The following XXYLT1 variants were observed in gnomAD, a reference collection of about 807,000 sequenced individuals.
The protein encoded by XXYLT1 is UDP-xylose:alpha-xyloside alpha-1,3-xylosyltransferase.
XXYLT1 carries 20 observed loss-of-function variants against 28.9 expected under a neutral mutation model. The observed-to-expected ratio is 0.69, with a 90% confidence interval of 0.49 to 1.00. XXYLT1 has a LOEUF of 1.00. Ranked by LOEUF, XXYLT1 falls within the 50% of genes least tolerant of loss-of-function variation. The probability of loss-of-function intolerance (pLI) is 0.00; values close to 1 mark genes in which losing one functional copy is unlikely to be tolerated. For synonymous variants in XXYLT1, 257 were observed against 253.8 expected (o/e 1.01, Z -0.12); for missense variants, 542 against 560.1 (o/e 0.97, Z 0.33).
chr3:195,087,730 G>A (rs936645269), intron 3 of XXYLT1, among the ~76,000 whole-genome samples: 4 of 152,202 alleles, frequency 2.6e-5, no homozygotes, highest in African/African-American at 2.4e-5. Flanking sequence ...CAGCGTGAGC[G>A]ACGCAGAAGA....
chr3:195,128,384 T>C (rs911555635), intron 3 of XXYLT1, among the ~76,000 whole-genome samples: 10 of 152,052 alleles, frequency 6.6e-5, no homozygotes, highest in African/African-American at 2.2e-4. Context: ...CAGCCCCAGG[T>C]ATTCATGTTT....
intron 1 of XXYLT1, among the ~76,000 whole-genome samples, chr3:195,235,625 T>C (rs1264754293): frequency 6.6e-6 from 1 of 152,198 alleles, no homozygotes; most frequent in Non-Finnish European, 1.5e-5. Flanking sequence ...TATTGTAGTC[T>C]TTGCAGTCTG....
chr3:195,102,885 C>T (rs555516833), intron 3 of XXYLT1, among the ~76,000 whole-genome samples: 1 of 152,218 alleles, frequency 6.6e-6, no homozygotes, highest in East Asian at 1.9e-4. Context: ...TAGGAATTTC[C>T]ATATTGTTTT....
rs1030745980 is a variant in XXYLT1 at position 195,195,809 on chromosome 3, G to A, written c.652+30900C>T. Among the ~76,000 whole-genome samples the A allele has an allele frequency of 3.3e-5, 5 of 152,150 alleles. No homozygotes were observed. The highest frequency in any genetic ancestry group is 9.7e-5 in the African/African-American group (4 of 41,438). On this transcript the variant is annotated intron_variant, in intron 2 of 3. Transcript: ENST00000310380. This position sits in a 1 kb window ranked among gnomAD's most constrained non-coding sequence, Gnocchi z 4.4. ...CTCTGGCCTGCAGGAGTTCAGCACC[G>A]CCAGCCACACCTGCCATGGTCTAGA...
intron 1 of XXYLT1, among the ~76,000 whole-genome samples, chr3:195,253,069 A>G (rs1444720170): frequency 1.3e-5 from 2 of 152,182 alleles, no homozygotes; most frequent in African/African-American, 4.8e-5. Flanking sequence ...TGGAGAAGCA[A>G]GTCACAAAGG....
chr3:195,137,190 G>T (rs1185186003), intron 3 of XXYLT1, among the ~76,000 whole-genome samples: 1 of 152,166 alleles, frequency 6.6e-6, no homozygotes, highest in East Asian at 1.9e-4. Context: ...GAAACAAAGT[G>T]GGGTGTGACA....
chr3:195,265,421 A>C (rs1725817908), intron 1 of XXYLT1, among the ~76,000 whole-genome samples: 1 of 152,160 alleles, frequency 6.6e-6, no homozygotes, highest in Non-Finnish European at 1.5e-5. Flanking sequence ...GAAGGCTGGC[A>C]TGAGGCTTGC....
intron 2 of XXYLT1, among the ~76,000 whole-genome samples, chr3:195,190,845 T>C (rs1455693994): frequency 6.6e-6 from 1 of 152,060 alleles, no homozygotes; most frequent in Non-Finnish European, 1.5e-5. Flanking sequence ...GGTGATAAAT[T>C]AAAATGCATA....
rs1013840316 is a variant in XXYLT1 at position 195,133,081 on chromosome 3, G to A, written c.785+23368C>T. On this transcript the variant is annotated intron_variant, in intron 3 of 3. Transcript: ENST00000310380. The surrounding 1 kb of genome is among the most constrained non-coding windows in gnomAD (Gnocchi z 4.4). ...ATAAAAAACCCTGCTTGGGGTGGAGGTGGTGGGCAAGTGTAAGCACCAGCA... is the reference window on the plus strand; with the variant it reads ...ATAAAAAACCCTGCTTGGGGTGGAGATGGTGGGCAAGTGTAAGCACCAGCA... 3.3e-5 allele frequency among the ~76,000 whole-genome samples: 5 copies of A among 152,090 alleles called. No homozygotes were observed. The highest frequency in any genetic ancestry group is 1.2e-4 in the African/African-American group (5 of 41,402).
chr3:195,170,939 G>A (rs988510474), intron 2 of XXYLT1, among the ~76,000 whole-genome samples: 8 of 152,150 alleles, frequency 5.3e-5, no homozygotes, highest in African/African-American at 1.9e-4. Flanking sequence ...GAGGACACGA[G>A]CTCATGAATG....
At chr3:195,199,339 C>T (rs945955568) in intron 2 of XXYLT1, among the ~76,000 whole-genome samples, 2 of 152,228 alleles carry the variant, frequency 1.3e-5, no homozygotes, top group African/African-American at 4.8e-5. Context: ...GGGCCGGGCG[C>T]GGTGGCTCAC....
chr3:195,142,304 T>A (rs1432884968), intron 3 of XXYLT1, among the ~76,000 whole-genome samples: 1 of 152,238 alleles, frequency 6.6e-6, no homozygotes, highest in East Asian at 1.9e-4. Flanking sequence ...ATGATGTTTA[T>A]CTTTACTTAC....
At chr3:195,127,820 A>G (rs1409345183) in intron 3 of XXYLT1, among the ~76,000 whole-genome samples, 1 of 152,160 alleles carries the variant, frequency 6.6e-6, no homozygotes, top group Non-Finnish European at 1.5e-5. Flanking sequence ...CCATGTAGAA[A>G]GAGGAAGTAT....
intron 2 of XXYLT1, among the ~76,000 whole-genome samples, chr3:195,196,889 C>G (rs769781185): frequency 6.6e-6 from 1 of 151,618 alleles, no homozygotes; most frequent in Non-Finnish European, 1.5e-5. Context: ...AAAAGTAGCA[C>G]ATTTGAGGAC....
chr3:195,225,906 T>C (rs919710654), intron 2 of XXYLT1, among the ~76,000 whole-genome samples: 9 of 152,212 alleles, frequency 5.9e-5, no homozygotes, highest in Admixed American at 3.3e-4. Flanking sequence ...TCCCCTTCCA[T>C]GACTGTAAGT....
At chr3:195,208,124 G>C (rs1390687495) in intron 2 of XXYLT1, among the ~76,000 whole-genome samples, 1 of 152,250 alleles carries the variant, frequency 6.6e-6, no homozygotes, top group Non-Finnish European at 1.5e-5. Flanking sequence ...CTAGGAGGCA[G>C]GGATGACCGG....
Position 195,173,518 on chromosome 3 carries a change from A to G in XXYLT1, c.653-16937T>C, listed in dbSNP as rs12497203. Among the ~76,000 whole-genome samples, 13,060 of 152,206 alleles carry G rather than the reference A, an allele frequency of 0.086. 837 individuals carry two copies. Among genetic ancestry groups the G allele is most frequent in the East Asian group, 0.28 (1,443 of 5,176 alleles). On this transcript the variant is annotated intron_variant, in intron 2 of 3. Transcript: ENST00000310380. This position sits in a 1 kb window ranked among gnomAD's most constrained non-coding sequence, Gnocchi z 4.3. ...CACCTAAAAACGGACATGAAACTCT[A>G]TTTTTATTCACTGAATCGTATGCTC...
At chr3:195,074,800 T>C (rs1396023328) in intron 3 of XXYLT1, among the ~76,000 whole-genome samples, 1 of 152,158 alleles carries the variant, frequency 6.6e-6, no homozygotes, top group Non-Finnish European at 1.5e-5. Flanking sequence ...GGAGAAGACA[T>C]GGACATCCTG....
At chr3:195,192,954 A>G (rs781203675) in intron 2 of XXYLT1, among the ~76,000 whole-genome samples, 2 of 152,140 alleles carry the variant, frequency 1.3e-5, no homozygotes, top group Non-Finnish European at 2.9e-5. Context: ...ACACTTCTAT[A>G]TACTAGCAAC....
Sources: allele counts gnomAD v4.1 joint callset (sites outside exome capture counted in the v4.1 genomes callset), GRCh38; gene constraint gnomAD v4.1.1; non-coding constraint Gnocchi (gnomAD v3.1); transcripts MANE v1.5; gene names NCBI Gene and HGNC (gene_info 2026-07-23, HGNC 2026-07-21).